Variants in PRKG1 observed in about 807,000 individuals in gnomAD.
The protein encoded by PRKG1 is cGMP-dependent protein kinase 1.
PRKG1 carries 35 observed loss-of-function variants against 88.1 expected under a neutral mutation model. That is an observed-to-expected ratio of 0.40 (90% confidence interval 0.30 to 0.53). The LOEUF is 0.53. Ranked by LOEUF, PRKG1 falls within the 20% of genes least tolerant of loss-of-function variation. The probability of loss-of-function intolerance (pLI) is 0.59; values close to 1 mark genes in which losing one functional copy is unlikely to be tolerated. For missense variants in PRKG1, 540 were observed against 839.8 expected (o/e 0.64, Z 4.41); for synonymous variants, 303 against 292.5 (o/e 1.04, Z -0.37).
chr10:51,045,215 T>C (rs1443357524), intron 1 of PRKG1, among the ~76,000 whole-genome samples: 1 of 152,234 alleles, frequency 6.6e-6, no homozygotes, highest in Non-Finnish European at 1.5e-5. Flanking sequence ...ATTTGAACAC[T>C]ATTAGACTGA....
chr10:51,977,378 G>A (rs1039510536), intron 5 of PRKG1, among the ~76,000 whole-genome samples: 2 of 151,922 alleles, frequency 1.3e-5, no homozygotes, highest in Admixed American at 1.3e-4. Flanking sequence ...CCATTGATGG[G>A]CATTAGATTG....
chr10:51,921,875 T>G (rs995405210), intron 5 of PRKG1, among the ~76,000 whole-genome samples: 2 of 152,072 alleles, frequency 1.3e-5, no homozygotes, highest in Non-Finnish European at 2.9e-5. Context: ...GTAGTTTTTC[T>G]TTCTTGTAAT....
intron 3 of PRKG1, among the ~76,000 whole-genome samples, chr10:51,487,613 A>T (rs571088360): frequency 6.7e-4 from 102 of 152,110 alleles, no homozygotes; most frequent in Non-Finnish European, 1.2e-3. Flanking sequence ...AATTTAGAGA[A>T]TACAGAAAAA....
intron 3 of PRKG1, among the ~76,000 whole-genome samples, chr10:51,480,809 G>T (rs1161102137): frequency 6.6e-6 from 1 of 152,084 alleles, no homozygotes; most frequent in Non-Finnish European, 1.5e-5. Flanking sequence ...AATAAATGTG[G>T]CCATGAGATG....
intron 3 of PRKG1, chr10:51,695,727 T>C (rs1841272304): frequency 6.6e-6 from 1 of 152,160 alleles, no homozygotes; most frequent in Admixed American, 6.5e-5. Flanking sequence ...AGTAGCAGTA[T>C]GAACAAGAGT....
chr10:52,283,179 G>C (rs576854918), intron 14 of PRKG1, among the ~76,000 whole-genome samples: 5 of 152,138 alleles, frequency 3.3e-5, no homozygotes, highest in Non-Finnish European at 7.3e-5. Flanking sequence ...GTTGAGTGAT[G>C]TGTGTTGTGG....
intron 1 of PRKG1, among the ~76,000 whole-genome samples, chr10:51,099,895 T>G (rs148626468): frequency 3.3e-5 from 5 of 152,256 alleles, no homozygotes; most frequent in African/African-American, 9.6e-5. Context: ...TTTGTGTTTA[T>G]TTTTATTTTT....
intron 2 of PRKG1, among the ~76,000 whole-genome samples, chr10:51,206,433 A>G (rs1838062260): frequency 6.6e-6 from 1 of 151,426 alleles, no homozygotes; most frequent in Non-Finnish European, 1.5e-5. Flanking sequence ...CGGAGGATGT[A>G]GTGAGCCGAG....
chr10:52,199,145 A>G (rs986018968), intron 9 of PRKG1, among the ~76,000 whole-genome samples: 2 of 152,048 alleles, frequency 1.3e-5, no homozygotes, highest in African/African-American at 4.8e-5. Context: ...CCTAGGCTCA[A>G]TGTAGAGAGC....
At chr10:51,891,054 G>A (rs1267817507) in intron 4 of PRKG1, among the ~76,000 whole-genome samples, 1 of 152,018 alleles carries the variant, frequency 6.6e-6, no homozygotes, top group East Asian at 1.9e-4. Flanking sequence ...TTGAACTTAG[G>A]AGTTTGACAT....
intron 5 of PRKG1, among the ~76,000 whole-genome samples, chr10:51,926,603 G>A (rs1479992674): frequency 6.6e-6 from 1 of 151,882 alleles, no homozygotes; most frequent in African/African-American, 2.4e-5. Context: ...TGCTTGCCCT[G>A]GGTGCTACTG....
chr10:51,201,248 A>T (rs994410944), intron 2 of PRKG1, among the ~76,000 whole-genome samples: 1 of 151,932 alleles, frequency 6.6e-6, no homozygotes, highest in Non-Finnish European at 1.5e-5. Context: ...ATCACCTGAG[A>T]TCAGGAGTTC....
chr10:51,230,002 A>G (rs1275373016), intron 2 of PRKG1, among the ~76,000 whole-genome samples: 1 of 152,074 alleles, frequency 6.6e-6, no homozygotes, highest in South Asian at 2.1e-4. Context: ...AAAATTTAAA[A>G]TATTCCTAAT....
rs1399655750 is a variant in PRKG1 at position 51,714,672 on chromosome 10, T to C, written c.593-89913T>C. Reference sequence around the variant, plus strand: ...TGTCAGATATGTCACCCAATGGCCATGACACTTTCCTGTGGTCACTGAAAG... The same window carrying C: ...TGTCAGATATGTCACCCAATGGCCACGACACTTTCCTGTGGTCACTGAAAG... On this transcript the variant is annotated intron_variant, in intron 3 of 17. Transcript: ENST00000373980. Among the ~76,000 whole-genome samples the C allele has an allele frequency of 3.3e-5, 5 of 152,190 alleles. No homozygotes were observed. The South Asian group carries it at 8.3e-4, about 25-fold the overall frequency.
intron 3 of PRKG1, among the ~76,000 whole-genome samples, chr10:51,686,246 C>A (rs1337386153): frequency 1.3e-5 from 2 of 152,116 alleles, no homozygotes; most frequent in African/African-American, 4.8e-5. Context: ...AATTTTATCA[C>A]CCAGGTAATA....
intron 7 of PRKG1, among the ~76,000 whole-genome samples, chr10:52,123,464 C>G (rs967125767): frequency 1.3e-5 from 2 of 152,028 alleles, no homozygotes; most frequent in Admixed American, 1.3e-4. Context: ...GGGTAAACTC[C>G]AGAAAGAGGA....
chr10:52,104,585 A>C (rs567103927), intron 7 of PRKG1, among the ~76,000 whole-genome samples: 141 of 152,258 alleles, frequency 9.3e-4, no homozygotes, highest in African/African-American at 3.3e-3. Flanking sequence ...ACTATTTGGC[A>C]CATAGGTTTA....
chr10:51,811,579 C>A (rs1468856924), intron 4 of PRKG1, among the ~76,000 whole-genome samples: 1 of 152,142 alleles, frequency 6.6e-6, no homozygotes, highest in Non-Finnish European at 1.5e-5. Context: ...AGAGCTGCCT[C>A]ACATCACCCA....
At chr10:51,438,938 G>A (rs146534643) in intron 2 of PRKG1, among the ~76,000 whole-genome samples, 2 of 151,238 alleles carry the variant, frequency 1.3e-5, no homozygotes, top group African/African-American at 4.8e-5. Context: ...CCAGATTGCA[G>A]TAAAGGACAA....
Sources: gnomAD v4.1 joint callset for allele counts (sites outside exome capture counted in the v4.1 genomes callset) on GRCh38, gnomAD v4.1.1 for gene constraint, MANE v1.5 for transcripts, NCBI Gene and HGNC (gene_info 2026-07-23, HGNC 2026-07-21) for gene names.